Variants in CCSER2 observed in about 807,000 individuals in gnomAD.
CCSER2 encodes serine-rich coiled-coil domain-containing protein 2.
CCSER2 carries 46 observed loss-of-function variants against 92.3 expected under a neutral mutation model. The ratio of observed to expected loss-of-function variants is 0.50; its 90% CI spans 0.39 to 0.64. The LOEUF (loss-of-function observed/expected upper bound fraction) is 0.64. Among genes scored for constraint, CCSER2 ranks in the 30% least tolerant of loss-of-function variants. CCSER2 has a pLI of 0.00. For synonymous variants in CCSER2, 433 were observed against 431.4 expected (o/e 1.00, Z -0.04); for missense variants, 1,244 against 1,238.9 (o/e 1.00, Z -0.06).
chr10:84,447,427 A>G (rs539640729), intron 6 of CCSER2, among the ~76,000 whole-genome samples: 1 of 152,276 alleles, frequency 6.6e-6, no homozygotes, highest in Non-Finnish European at 1.5e-5. Flanking sequence ...AGATTTTTGT[A>G]TATTCTAGAT....
intron 3 of CCSER2, among the ~76,000 whole-genome samples, chr10:84,406,757 CCACAA>C (rs1842397912): frequency 6.6e-6 from 1 of 152,276 alleles, no homozygotes; most frequent in African/African-American, 2.4e-5. Flanking sequence ...AAAGAGGCTG[CCACAA>C]CAAACAGGGA....
At position 84,514,141 on chromosome 10, in the gene CCSER2, G is replaced by A; in HGVS notation, c.3018G>A (p.Lys1006=). 6.5e-7 allele frequency: 1 copy of A among 1,536,262 alleles called. No homozygotes were observed. Among genetic ancestry groups the A allele is most frequent in the Non-Finnish European group, 8.7e-7 (1 of 1,146,966 alleles). Residue 1006 remains lysine, a synonymous_variant, in exon 10 of 10, where the codon AAG becomes AAA. Transcript: ENST00000372088. ...TAGAGCCTCAAAGCTTCCAGGCCAA[G>A]ACAAGCATCCCAAGGCCACTAACAC... is the stretch of plus-strand genomic sequence containing the variant. The part of the protein sequence containing the change: ...PQLEPQSFQA[K]TSIPRPLTQR...
chr10:84,468,054 C>G (rs1285254671), intron 7 of CCSER2, among the ~76,000 whole-genome samples: 3 of 152,174 alleles, frequency 2.0e-5, no homozygotes, highest in South Asian at 2.1e-4. Context: ...AGTCATGGCT[C>G]TCTGTGATCT....
chr10:84,471,136 T>C (rs956407166), intron 8 of CCSER2, among the ~76,000 whole-genome samples: 3 of 152,134 alleles, frequency 2.0e-5, no homozygotes, highest in African/African-American at 7.2e-5. Context: ...AGCAATTTGG[T>C]GAAATATTAA....
intron 1 of CCSER2, among the ~76,000 whole-genome samples, chr10:84,340,575 A>C (rs1161926269): frequency 6.6e-6 from 1 of 151,802 alleles, no homozygotes; most frequent in African/African-American, 2.4e-5. Context: ...AGACTTGTTG[A>C]TGATTTATTT....
chr10:84,365,068 C>A (rs1000447616), intron 1 of CCSER2, among the ~76,000 whole-genome samples: 1 of 151,844 alleles, frequency 6.6e-6, no homozygotes, highest in African/African-American at 2.4e-5. Context: ...ATATTAAATA[C>A]CAATACTGTA....
At chr10:84,419,264 A>T (rs372865133) in intron 4 of CCSER2, among the ~76,000 whole-genome samples, 15 of 152,060 alleles carry the variant, frequency 9.9e-5, no homozygotes, top group African/African-American at 3.6e-4. Context: ...TATTCTAAAG[A>T]ACTGCTTAGC....
intron 4 of CCSER2, among the ~76,000 whole-genome samples, chr10:84,422,810 T>C (rs1185208272): frequency 6.6e-6 from 1 of 152,260 alleles, no homozygotes; most frequent in East Asian, 1.9e-4. Context: ...ATTCCAGCAC[T>C]TGGGAGGCCA....
intron 5 of CCSER2, among the ~76,000 whole-genome samples, chr10:84,434,791 A>G (rs1844003990): frequency 1.3e-5 from 2 of 152,168 alleles, no homozygotes; most frequent in Admixed American, 6.5e-5. Flanking sequence ...TATTTTGCCC[A>G]TTTTATAGAT....
At chr10:84,379,103 A>G (rs1003961810) in intron 3 of CCSER2, among the ~76,000 whole-genome samples, 1 of 152,178 alleles carries the variant, frequency 6.6e-6, no homozygotes, top group Admixed American at 6.5e-5. Flanking sequence ...AGCCTTCTGG[A>G]CCTGGAGTTT....
At position 84,515,132 on chromosome 10, in the gene CCSER2, G is replaced by T. The variant is rs1849553300; in HGVS notation, c.*865G>T. On this transcript the variant is annotated 3_prime_UTR_variant, in exon 10 of 10. Transcript: ENST00000372088. ...AATTCAGGCTTGAACCCTTAGGCTT[G>T]TGGATCCATGATAGCCATTTTAAGG... The T allele has an allele frequency of 6.6e-6, 1 of 152,576 alleles. No homozygotes were observed. Among genetic ancestry groups the T allele is most frequent in the African/African-American group, 2.4e-5 (1 of 41,432 alleles). 9.5% of individuals were successfully genotyped at this position (152,576 alleles called of 1,614,324 possible).
intron 9 of CCSER2, among the ~76,000 whole-genome samples, chr10:84,487,482 ATGT>A (rs1847879705): frequency 6.6e-6 from 1 of 152,014 alleles, no homozygotes; most frequent in Non-Finnish European, 1.5e-5. Flanking sequence ...TTGGATTCCT[ATGT>A]ATTTTATTCT....
At chr10:84,490,730 T>A (rs1463807452) in intron 9 of CCSER2, among the ~76,000 whole-genome samples, 1 of 152,236 alleles carries the variant, frequency 6.6e-6, no homozygotes, top group Non-Finnish European at 1.5e-5. Flanking sequence ...GAAGCCTTCT[T>A]CTCTCAACTT....
intron 7 of CCSER2, among the ~76,000 whole-genome samples, chr10:84,464,781 T>C (rs1471179612): frequency 6.6e-6 from 1 of 152,194 alleles, no homozygotes; most frequent in East Asian, 1.9e-4. Flanking sequence ...GGACATGTTA[T>C]TGTGCCAGTG....
chr10:84,473,412 G>C (rs1186538937), intron 8 of CCSER2, among the ~76,000 whole-genome samples: 1 of 152,176 alleles, frequency 6.6e-6, no homozygotes, highest in Non-Finnish European at 1.5e-5. Context: ...GCTAATGTTA[G>C]TGTGGTTTTC....
chr10:84,483,677 A>G (rs1847589472), intron 9 of CCSER2, among the ~76,000 whole-genome samples: 1 of 151,902 alleles, frequency 6.6e-6, no homozygotes, highest in African/African-American at 2.4e-5. Flanking sequence ...GATTTATCTT[A>G]TGAATAATCT....
At chr10:84,425,038 A>G (rs1189788452) in intron 4 of CCSER2, 3 of 978,524 alleles carry the variant, frequency 3.1e-6, no homozygotes, top group Non-Finnish European at 3.6e-6. Flanking sequence ...ATGTGAGGAA[A>G]AAGTATTTGG....
chr10:84,461,350 C>T lies in CCSER2; in HGVS notation c.2065-2583C>T, dbSNP rs572792540. Among the ~76,000 whole-genome samples, 37 of 152,216 alleles carry T rather than the reference C, an allele frequency of 2.4e-4. 1 individual carries two copies. The South Asian group carries it at 6.0e-3, about 25-fold the overall frequency. On this transcript the variant is annotated intron_variant, in intron 6 of 9. Coordinates refer to ENST00000372088, the MANE Select transcript of CCSER2 (RefSeq NM_001284240.2). ...GTAGGTTTGTGTCTTTCACCAAATT[C>T]GGGGTGTGTTTATCCATTATTTCTT...
At chr10:84,391,803 G>A (rs1841534075) in intron 3 of CCSER2, 1 of 1,564,588 alleles carries the variant, frequency 6.4e-7, no homozygotes, top group South Asian at 1.1e-5. Flanking sequence ...ATGAGGAAAA[G>A]GATTCAGCAT....
Sources: gnomAD v4.1 joint callset for allele counts (sites outside exome capture counted in the v4.1 genomes callset) on GRCh38, gnomAD v4.1.1 for gene constraint, MANE v1.5 for transcripts, NCBI Gene and HGNC (gene_info 2026-07-23, HGNC 2026-07-21) for gene names.